Variants in LRRC4C observed in about 807,000 individuals in gnomAD.
The protein encoded by LRRC4C is leucine-rich repeat-containing protein 4C.
In LRRC4C, 5 loss-of-function variants were observed where a neutral mutation model predicts 33.6. The ratio of observed to expected loss-of-function variants is 0.15; its 90% confidence interval spans 0.08 to 0.31. The LOEUF (loss-of-function observed/expected upper bound fraction) is 0.31. Ranked by LOEUF, LRRC4C falls within the 10% of genes least tolerant of loss-of-function variation. LRRC4C has a pLI of 1.00. For missense variants in LRRC4C, 560 were observed against 796.7 expected (o/e 0.70, Z 3.58); for synonymous variants, 329 against 302.0 (o/e 1.09, Z -0.93).
intron 1 of LRRC4C, among the ~76,000 whole-genome samples, chr11:41,413,051 C>CT (rs905490743): frequency 1.4e-4 from 21 of 151,108 alleles, no homozygotes; most frequent in Admixed American, 9.2e-4. Flanking sequence ...TTCTTTTCTT[C>CT]TTTTTTTTCT....
At chr11:40,608,377 T>C (rs1352537932) in intron 3 of LRRC4C, among the ~76,000 whole-genome samples, 1 of 151,102 alleles carries the variant, frequency 6.6e-6, no homozygotes, top group African/African-American at 2.4e-5. Context: ...AAAATAGCTA[T>C]AGAAGACACA....
At chr11:40,388,178 T>A (rs1949188643) in intron 3 of LRRC4C, among the ~76,000 whole-genome samples, 1 of 152,116 alleles carries the variant, frequency 6.6e-6, no homozygotes, top group Admixed American at 6.6e-5. Flanking sequence ...ATTAGACATT[T>A]TCCCTTTATA....
intron 1 of LRRC4C, among the ~76,000 whole-genome samples, chr11:41,002,154 T>C (rs1565289327): frequency 6.6e-6 from 1 of 152,206 alleles, no homozygotes; most frequent in Non-Finnish European, 1.5e-5. Context: ...TAACAGTTGT[T>C]ATCCAATAAA....
intron 2 of LRRC4C, among the ~76,000 whole-genome samples, chr11:40,830,642 G>C (rs1431845506): frequency 1.3e-5 from 2 of 152,126 alleles, no homozygotes; most frequent in African/African-American, 4.8e-5. Flanking sequence ...AAGGAGAACA[G>C]ACTGGAGAGG....
chr11:40,870,158 G>A (rs1350512941), intron 2 of LRRC4C, among the ~76,000 whole-genome samples: 2 of 152,120 alleles, frequency 1.3e-5, no homozygotes, highest in Admixed American at 6.5e-5. Flanking sequence ...CAAGCCATGT[G>A]GAGAAGGGTA....
At chr11:41,030,415 T>C (rs1213662582) in intron 1 of LRRC4C, among the ~76,000 whole-genome samples, 1 of 151,794 alleles carries the variant, frequency 6.6e-6, no homozygotes, top group Non-Finnish European at 1.5e-5. Context: ...ACCTGTATCA[T>C]AACCCTCAAT....
intron 2 of LRRC4C, among the ~76,000 whole-genome samples, chr11:40,657,498 T>C (rs943171094): frequency 6.6e-6 from 1 of 152,142 alleles, no homozygotes; most frequent in African/African-American, 2.4e-5. Flanking sequence ...TTCTATTCAG[T>C]TATCTCTCTG....
At chr11:41,133,835 T>A (rs1943132319) in intron 1 of LRRC4C, among the ~76,000 whole-genome samples, 1 of 152,138 alleles carries the variant, frequency 6.6e-6, no homozygotes, top group Non-Finnish European at 1.5e-5. Flanking sequence ...AGAACCATAC[T>A]CCTTTAAACA....
At chr11:40,474,165 C>A (rs1472524465) in intron 3 of LRRC4C, among the ~76,000 whole-genome samples, 1 of 151,744 alleles carries the variant, frequency 6.6e-6, no homozygotes, top group Non-Finnish European at 1.5e-5. Context: ...AGCAAAAAAA[C>A]AAAGCTGGAA....
chr11:40,294,373 C>T (rs766130943), intron 4 of LRRC4C, among the ~76,000 whole-genome samples: 3 of 151,978 alleles, frequency 2.0e-5, no homozygotes, highest in Non-Finnish European at 4.4e-5. Flanking sequence ...CTGTTTTCAT[C>T]CAGAAATCCA....
At chr11:40,537,939 A>G (rs1956544850) in intron 3 of LRRC4C, among the ~76,000 whole-genome samples, 1 of 152,140 alleles carries the variant, frequency 6.6e-6, no homozygotes, top group Admixed American at 6.6e-5. Flanking sequence ...CTGTTAGGAA[A>G]GCCGAATCTC....
intron 3 of LRRC4C, among the ~76,000 whole-genome samples, chr11:40,507,731 AGATTT>A (rs927558368): frequency 4.9e-5 from 7 of 143,730 alleles, no homozygotes; most frequent in Non-Finnish European, 1.1e-4. Flanking sequence ...ATAAGGCACT[AGATTT>A]AATTTTTTTT....
chr11:40,170,017 G>C (rs1295840325), intron 5 of LRRC4C, among the ~76,000 whole-genome samples: 1 of 152,068 alleles, frequency 6.6e-6, no homozygotes, highest in Non-Finnish European at 1.5e-5. Context: ...GTACTAGCTT[G>C]GCTTTACAAT....
intron 2 of LRRC4C, among the ~76,000 whole-genome samples, chr11:40,660,774 T>C (rs1943392546): frequency 6.6e-6 from 1 of 152,164 alleles, no homozygotes; most frequent in Non-Finnish European, 1.5e-5. Context: ...TTGTGCCCAT[T>C]TACCATGATA....
chr11:40,746,591 T>C (rs1444506820), intron 2 of LRRC4C, among the ~76,000 whole-genome samples: 2 of 152,094 alleles, frequency 1.3e-5, no homozygotes, highest in Non-Finnish European at 2.9e-5. Context: ...GGCTTGAAGA[T>C]CACCACACCC....
In LRRC4C at chr11:40,808,682, G is replaced by A. The variant is rs578074033; in HGVS notation, c.-407+124953C>T. Reference sequence around the variant, plus strand: ...AGGTCAAGGGAGACCCAGTACCGCCGGTCAATCCTATATTTCTGATCCTTT... The same window carrying A: ...AGGTCAAGGGAGACCCAGTACCGCCAGTCAATCCTATATTTCTGATCCTTT... On this transcript the variant is annotated intron_variant, in intron 2 of 6. Coordinates refer to ENST00000528697, the MANE Select transcript of LRRC4C (RefSeq NM_001258419.2). Among the ~76,000 whole-genome samples, 6 of 152,044 alleles carry A rather than the reference G, an allele frequency of 3.9e-5. No homozygotes were observed. In the South Asian group the frequency reaches 6.2e-4, roughly 16 times the overall value.
At chr11:41,295,829 A>G (rs1950126083) in intron 1 of LRRC4C, among the ~76,000 whole-genome samples, 1 of 152,218 alleles carries the variant, frequency 6.6e-6, no homozygotes. Context: ...GATTGACTGG[A>G]TTGAATGATT....
At position 40,418,225 on chromosome 11, in the gene LRRC4C, C is replaced by A. The variant is rs1221062140; in HGVS notation, c.-269-98504G>T. 4.6e-5 allele frequency among the ~76,000 whole-genome samples: 7 copies of A among 151,986 alleles called. No homozygotes were observed. In the East Asian group the frequency reaches 1.4e-3, roughly 30 times the overall value. On this transcript the variant is annotated intron_variant, in intron 3 of 6. Transcript: ENST00000528697. ...TATCTATTTATAGAAAGACAAAGGT[C>A]TAATATCCAGAATCTACATGGAACT...
At chr11:40,329,658 G>T (rs1946260931) in intron 3 of LRRC4C, among the ~76,000 whole-genome samples, 1 of 152,018 alleles carries the variant, frequency 6.6e-6, no homozygotes, top group Non-Finnish European at 1.5e-5. Flanking sequence ...GTCGTTGAAG[G>T]TAATCAGTTT....
Sources: allele counts gnomAD v4.1 joint callset (sites outside exome capture counted in the v4.1 genomes callset), GRCh38; gene constraint gnomAD v4.1.1; transcripts MANE v1.5; gene names NCBI Gene and HGNC (gene_info 2026-07-23, HGNC 2026-07-21).